Variants in UBXN7 observed in about 807,000 individuals in gnomAD.
The protein encoded by UBXN7 is UBX domain protein 7.
UBXN7 carries 9 observed loss-of-function variants against 58.0 expected under a neutral mutation model. The observed-to-expected ratio is 0.16, with a 90% CI of 0.09 to 0.27. UBXN7 has a LOEUF of 0.27. Among genes scored for constraint, UBXN7 ranks in the 10% least tolerant of loss-of-function variants. UBXN7 has a pLI of 1.00. For missense variants in UBXN7, 328 were observed against 599.6 expected, an observed-to-expected ratio of 0.55 and a Z score of 4.73; for synonymous variants, 208 against 205.0, an observed-to-expected ratio of 1.01 and a Z score of -0.12.
chr3:196,378,659 T>C (rs28594421), intron 5 of UBXN7, among the ~76,000 whole-genome samples: 79,473 of 152,072 alleles, frequency 0.52, 21,174 homozygotes, highest in East Asian at 0.88. Flanking sequence ...CTTCCTGATG[T>C]TGCCATGGCA....
intron 5 of UBXN7, among the ~76,000 whole-genome samples, chr3:196,385,151 C>T (rs533122600): frequency 2.5e-4 from 38 of 152,300 alleles, no homozygotes; most frequent in African/African-American, 7.2e-4. Context: ...TGCAGGCGCG[C>T]GCCACCACGC....
intron 6 of UBXN7, among the ~76,000 whole-genome samples, chr3:196,369,956 C>A (rs1179718777): frequency 6.6e-6 from 1 of 151,942 alleles, no homozygotes; most frequent in Non-Finnish European, 1.5e-5. Flanking sequence ...CATGGTGAAA[C>A]CCCGTCTCTA....
chr3:196,356,702 C>A lies in UBXN7; in HGVS notation c.1453G>T (p.Val485Leu), dbSNP rs1422879683. The A allele has an allele frequency of 3.1e-6, 5 of 1,605,492 alleles. No individual in the cohort carries two copies. Among genetic ancestry groups the A allele is most frequent in the Non-Finnish European group, 3.4e-6 (4 of 1,178,230 alleles). The change falls in exon 11 of 11, where the codon GTA (valine) becomes TTA (leucine). Residue 485 changes from valine (V) to leucine (L), a missense_variant. Val to Leu is a conservative substitution (Grantham distance 32). This residue lies in a region of UBXN7 where 30 missense variants were observed against 94.8 expected (regional missense o/e 0.32). Coordinates refer to ENST00000296328, the MANE Select transcript of UBXN7 (RefSeq NM_015562.2). ...AGLCPQETVF[V>L]QERN Reference sequence around the variant, plus strand: ...CCATGGTGTTAATTTCTTTCCTGTACAAAGACAGTCTCTTGAGGACAAAGG... The same window carrying A: ...CCATGGTGTTAATTTCTTTCCTGTAAAAAGACAGTCTCTTGAGGACAAAGG...
rs565229325 is a variant in UBXN7 at position 196,406,680 on chromosome 3, G to A, written c.221+566C>T. Among the ~76,000 whole-genome samples the A allele has an allele frequency of 3.3e-5, 5 of 152,028 alleles. 1 individual carries two copies. Among genetic ancestry groups the A allele is most frequent in the African/African-American group, 9.6e-5 (4 of 41,472 alleles). On this transcript the variant is annotated intron_variant, in intron 2 of 10. Transcript: ENST00000296328. ...AAGCTGGTCTCGACCTCCTGACCTCGTGATCAGCCCACCTCGGCCTCCCAA... is the reference window on the plus strand; with the variant it reads ...AAGCTGGTCTCGACCTCCTGACCTCATGATCAGCCCACCTCGGCCTCCCAA...
chr3:196,384,875 C>T (rs1156757534), intron 5 of UBXN7, among the ~76,000 whole-genome samples: 1 of 152,168 alleles, frequency 6.6e-6, no homozygotes, highest in African/African-American at 2.4e-5. Flanking sequence ...GAAGCATTCC[C>T]TTTGAAAACC....
chr3:196,398,109 C>T (rs1729833430), intron 3 of UBXN7, among the ~76,000 whole-genome samples: 2 of 152,134 alleles, frequency 1.3e-5, no homozygotes, highest in African/African-American at 4.8e-5. Context: ...TTTGGGCTGC[C>T]CTCTCTGGCT....
intron 5 of UBXN7, among the ~76,000 whole-genome samples, chr3:196,374,329 GATTT>G (rs1560222909): frequency 6.6e-6 from 1 of 151,876 alleles, no homozygotes; most frequent in Non-Finnish European, 1.5e-5. Context: ...CATTATCTCA[GATTT>G]ATTCATTCAA....
intron 8 of UBXN7, among the ~76,000 whole-genome samples, chr3:196,366,144 T>A (rs771140122): frequency 3.9e-5 from 6 of 152,086 alleles, no homozygotes; most frequent in Non-Finnish European, 8.8e-5. Context: ...TTCTATACTA[T>A]CCCTTAGGGC....
intron 1 of UBXN7, among the ~76,000 whole-genome samples, chr3:196,413,205 G>A (rs1241845446): frequency 6.6e-6 from 1 of 152,082 alleles, no homozygotes; most frequent in Non-Finnish European, 1.5e-5. Flanking sequence ...AGGTGTGGTG[G>A]TGGGCACCCG....
intron 1 of UBXN7, among the ~76,000 whole-genome samples, chr3:196,428,741 A>G (rs1024080487): frequency 6.6e-6 from 1 of 151,974 alleles, no homozygotes; most frequent in Non-Finnish European, 1.5e-5. Context: ...AAAAATAAAG[A>G]AAGTTACCCT....
chr3:196,374,923 G>A (rs112751867), intron 5 of UBXN7, among the ~76,000 whole-genome samples: 76 of 7,366 alleles, frequency 0.01, 8 homozygotes, highest in African/African-American at 0.028. Flanking sequence ...GGGAGGGGGA[G>A]GGGAAGGGAA....
At chr3:196,373,378 C>T (rs1728898860) in intron 5 of UBXN7, among the ~76,000 whole-genome samples, 1 of 152,202 alleles carries the variant, frequency 6.6e-6, no homozygotes, top group Admixed American at 6.5e-5. Flanking sequence ...CCCTTGTCAG[C>T]ATAAAGACCC....
At chr3:196,431,083 G>A (rs1225405647) in intron 1 of UBXN7, among the ~76,000 whole-genome samples, 1 of 151,990 alleles carries the variant, frequency 6.6e-6, no homozygotes, top group African/African-American at 2.4e-5. Context: ...AATATAAAAC[G>A]GTAACTAGTA....
chr3:196,383,633 G>A (rs1363427744), intron 5 of UBXN7, among the ~76,000 whole-genome samples: 1 of 152,164 alleles, frequency 6.6e-6, no homozygotes, highest in African/African-American at 2.4e-5. Context: ...TTAGAACTCA[G>A]GATTAAGAAA....
At chr3:196,393,823 G>C (rs1729659531) in intron 3 of UBXN7, 2 of 378,088 alleles carry the variant, frequency 5.3e-6, no homozygotes, top group Non-Finnish European at 9.9e-6. Context: ...AGTATTTCTT[G>C]TTTTAAAACA....
At chr3:196,427,704 A>C (rs1233364627) in intron 1 of UBXN7, among the ~76,000 whole-genome samples, 1 of 152,240 alleles carries the variant, frequency 6.6e-6, no homozygotes, top group Non-Finnish European at 1.5e-5. Context: ...ATGACTTCTG[A>C]GTTTTCAACA....
At chr3:196,365,249 TAAAA>T (rs11317854) in intron 8 of UBXN7, among the ~76,000 whole-genome samples, 99 of 127,914 alleles carry the variant, frequency 7.7e-4, no homozygotes, top group Non-Finnish European at 1.4e-3. Context: ...TTCCCCACCT[TAAAA>T]AAAAAAAAAA....
chr3:196,401,230 G>A (rs1203927192), intron 3 of UBXN7, among the ~76,000 whole-genome samples: 2 of 77,966 alleles, frequency 2.6e-5, no homozygotes, highest in African/African-American at 1.0e-4. Flanking sequence ...TGACTAACAT[G>A]GAGAAACCCC....
At chr3:196,371,680 A>G (rs1275274710) in intron 6 of UBXN7, among the ~76,000 whole-genome samples, 1 of 152,010 alleles carries the variant, frequency 6.6e-6, no homozygotes. Context: ...ACAGGGTTTC[A>G]CCATGTTGGC....
Sources: allele counts gnomAD v4.1 joint callset (sites outside exome capture counted in the v4.1 genomes callset), GRCh38; gene constraint gnomAD v4.1.1; regional missense constraint gnomAD v4.1.1; transcripts MANE v1.5; gene names NCBI Gene and HGNC (gene_info 2026-07-23, HGNC 2026-07-21).